Variants in SORBS2 observed in about 807,000 individuals in gnomAD.
The protein encoded by SORBS2 is sorbin and SH3 domain containing 2.
A neutral mutation model predicts 97.7 loss-of-function variants in SORBS2; 46 were observed. That is an observed-to-expected ratio of 0.47 (90% CI 0.37 to 0.60). The LOEUF (loss-of-function observed/expected upper bound fraction) is 0.60, where lower values mean the gene tolerates loss of function less well. Among genes scored for constraint, SORBS2 ranks in the 20% least tolerant of loss-of-function variants. The pLI, the probability that SORBS2 is intolerant of heterozygous loss-of-function variation, is 0.00. For synonymous variants in SORBS2, 476 were observed against 473.4 expected (o/e 1.01, Z -0.07); for missense variants, 1,316 against 1,282.3 (o/e 1.03, Z -0.40).
At chr4:185,926,805 A>C (rs2099263928) in intron 1 of SORBS2, among the ~76,000 whole-genome samples, 1 of 152,114 alleles carries the variant, frequency 6.6e-6, no homozygotes, top group Non-Finnish European at 1.5e-5. Flanking sequence ...AGTGACTTTC[A>C]TCATCACTTT....
intron 1 of SORBS2, among the ~76,000 whole-genome samples, chr4:185,955,858 ACCCCAGGTCTTC>A (rs1004967192): frequency 3.4e-5 from 5 of 146,358 alleles, no homozygotes; most frequent in African/African-American, 1.0e-4. Flanking sequence ...CTCCACCCCC[ACCCCAGGTCTTC>A]CCCCAGGTCT....
chr4:185,590,437 T>C (rs892508380), intron 13 of SORBS2, among the ~76,000 whole-genome samples: 5 of 152,160 alleles, frequency 3.3e-5, no homozygotes, highest in Admixed American at 2.0e-4. Context: ...AATTGGAAGA[T>C]TTGATGTAAT....
At chr4:185,797,440 C>T (rs1261427242) in intron 1 of SORBS2, among the ~76,000 whole-genome samples, 1 of 152,120 alleles carries the variant, frequency 6.6e-6, no homozygotes, top group East Asian at 1.9e-4. Flanking sequence ...AAAGAAGCTC[C>T]AATGGTTCTC....
At chr4:185,906,312 C>T (rs1185293168) in intron 1 of SORBS2, among the ~76,000 whole-genome samples, 1 of 152,188 alleles carries the variant, frequency 6.6e-6, no homozygotes, top group Non-Finnish European at 1.5e-5. Context: ...GGATTATAGG[C>T]CTGAGCCACC....
Position 185,589,796 on chromosome 4 carries a change from A to G in SORBS2, c.2847-11T>C. 1 of 1,449,396 alleles carries G rather than the reference A, an allele frequency of 6.9e-7. No homozygotes were observed. Among genetic ancestry groups the G allele is most frequent in the Admixed American group, 1.7e-5 (1 of 59,746 alleles). The allele number at this position is 1,449,396 out of a possible 1,614,324, so 89.8% of individuals were successfully genotyped here. On this transcript the variant is annotated splice_polypyrimidine_tract_variant and intron_variant, in intron 13 of 14. Transcript: ENST00000418609. Reference sequence around the variant, plus strand: ...TACAGAGCCTGAAACCTTAAACAGGACAAGGGAATGTGTTTAAAAACATCT... The same window carrying G: ...TACAGAGCCTGAAACCTTAAACAGGGCAAGGGAATGTGTTTAAAAACATCT...
At chr4:185,796,465 GCCACGC>G in intron 1 of SORBS2, among the ~76,000 whole-genome samples, 1 of 148,624 alleles carries the variant, frequency 6.7e-6, no homozygotes, top group Admixed American at 6.7e-5. Context: ...GGGCGCTGTG[GCCACGC>G]TGCTCCCTGG....
intron 3 of SORBS2, among the ~76,000 whole-genome samples, chr4:185,647,682 A>G (rs2097235721): frequency 6.6e-6 from 1 of 152,182 alleles, no homozygotes; most frequent in African/African-American, 2.4e-5. Context: ...GACAAGCCCT[A>G]GCTTTCTACT....
At chr4:185,930,840 C>T (rs550159700) in intron 1 of SORBS2, among the ~76,000 whole-genome samples, 11 of 152,204 alleles carry the variant, frequency 7.2e-5, no homozygotes, top group Admixed American at 1.3e-4. Flanking sequence ...GACTTGTATA[C>T]GAATTCTGTG....
At chr4:185,849,225 C>T (rs1198507017) in intron 1 of SORBS2, among the ~76,000 whole-genome samples, 1 of 152,124 alleles carries the variant, frequency 6.6e-6, no homozygotes, top group Non-Finnish European at 1.5e-5. Flanking sequence ...TCTTGGCACA[C>T]CCTTGTTGAC....
At chr4:185,592,121 T>C (rs1396399837) in intron 13 of SORBS2, 2 of 152,260 alleles carry the variant, frequency 1.3e-5, no homozygotes, top group African/African-American at 2.4e-5. Flanking sequence ...AAGAAAGGTG[T>C]CTTTTAAACA....
chr4:185,749,005 G>C (rs970098332), intron 2 of SORBS2, among the ~76,000 whole-genome samples: 3 of 152,188 alleles, frequency 2.0e-5, no homozygotes, highest in Non-Finnish European at 2.9e-5. Flanking sequence ...ACGGCAGAAA[G>C]TTCCCAAAAA....
chr4:185,827,171 CCAT>C (rs1448490257), intron 1 of SORBS2, among the ~76,000 whole-genome samples: 2 of 94,828 alleles, frequency 2.1e-5, no homozygotes, highest in Non-Finnish European at 4.4e-5. Flanking sequence ...ACCATCATCA[CCAT>C]CATCAGAATC....
At chr4:185,886,563 A>AAAAAAAAAAAGAAAAGAAAAG (rs2099239692) in intron 1 of SORBS2, among the ~76,000 whole-genome samples, 1 of 127,554 alleles carries the variant, frequency 7.8e-6, no homozygotes. Flanking sequence ...TCAAAAAAAA[A>AAAAAAAAAAAGAAAAGAAAAG]AAAAAAAAAA....
chr4:185,743,941 T>TCTC (rs972254395), intron 2 of SORBS2, among the ~76,000 whole-genome samples: 1 of 137,992 alleles, frequency 7.2e-6, no homozygotes, highest in East Asian at 2.2e-4. Context: ...TCCTCCTCTT[T>TCTC]CTCCTCCTCC....
chr4:185,781,500 T>TCC (rs2099028751), intron 1 of SORBS2, among the ~76,000 whole-genome samples: 2 of 151,376 alleles, frequency 1.3e-5, no homozygotes, highest in South Asian at 2.1e-4. Context: ...CCAGCCTCTC[T>TCC]AGCCTCCCTT....
chr4:185,891,758 A>T lies in SORBS2; in HGVS notation c.-338+64438T>A, dbSNP rs187193192. On this transcript the variant is annotated intron_variant, in intron 1 of 20. Transcript: ENST00000284776. ...CTGTGGCCAGTCTTGTGCCAATTAA[A>T]CTATTGCAATGCCATAGTCTCAGTG... 3.1e-4 allele frequency among the ~76,000 whole-genome samples: 47 copies of T among 152,220 alleles called. 1 individual carries two copies. Among genetic ancestry groups the T allele is most frequent in the Middle Eastern group, 3.4e-3 (1 of 294 alleles).
intron 1 of SORBS2, among the ~76,000 whole-genome samples, chr4:185,941,730 C>G (rs1324520597): frequency 6.6e-6 from 1 of 152,192 alleles, no homozygotes; most frequent in East Asian, 1.9e-4. Context: ...TTGCATAACA[C>G]ATTTCAGACC....
rs75149478 is a variant in SORBS2 at position 185,760,133 on chromosome 4, G to A, written c.-198+15094C>T. ...CCATGCTTAGACTTCCCAGCTCTCA[G>A]GTTCAACTCTCAGATCAGGAACAAC... On this transcript the variant is annotated intron_variant, in intron 2 of 20. Coordinates refer to the SORBS2 transcript ENST00000284776. Among the ~76,000 whole-genome samples, 274 of 152,294 alleles carry A rather than the reference G, an allele frequency of 1.8e-3. 1 individual carries two copies. Among genetic ancestry groups the A allele is most frequent in the Non-Finnish European group, 9.0e-4 (61 of 68,030 alleles).
chr4:185,650,532 T>G (rs958030197), intron 2 of SORBS2, among the ~76,000 whole-genome samples: 4 of 152,218 alleles, frequency 2.6e-5, no homozygotes, highest in African/African-American at 9.6e-5. Flanking sequence ...ATATCACTGC[T>G]GTTCCATTCA....
Sources: gnomAD v4.1 joint callset for allele counts (sites outside exome capture counted in the v4.1 genomes callset) on GRCh38, gnomAD v4.1.1 for gene constraint, MANE v1.5 for transcripts, NCBI Gene and HGNC (gene_info 2026-07-23, HGNC 2026-07-21) for gene names.